PRKX: variants seen among roughly 807,000 people sequenced by gnomAD.
PRKX encodes the protein cAMP-dependent protein kinase catalytic subunit PRKX.
PRKX carries 12 observed loss-of-function variants against 22.0 expected under a neutral mutation model. That is an observed-to-expected ratio of 0.54 (90% CI 0.35 to 0.88). The LOEUF (loss-of-function observed/expected upper bound fraction) is 0.88, where lower values mean the gene tolerates loss of function less well. PRKX is among the 40% of genes least tolerant of loss of function. PRKX has a pLI of 0.01. For missense variants in PRKX, 217 were observed against 308.0 expected, an observed-to-expected ratio of 0.70 and a Z score of 2.21; for synonymous variants, 134 against 137.7, an observed-to-expected ratio of 0.97 and a Z score of 0.19.
At chrX:3,636,092 G>A (rs1159712473) in intron 4 of PRKX, among the ~76,000 whole-genome samples, 1 of 112,585 alleles carries the variant, frequency 8.9e-6, no homozygotes, top group Non-Finnish European at 1.9e-5. Context: ...ATCATGATAT[G>A]ATCTCCTTCC....
At chrX:3,613,651 C>A (rs1435209053) in intron 7 of PRKX, among the ~76,000 whole-genome samples, 1 of 107,791 alleles carries the variant, frequency 9.3e-6, no homozygotes, top group Non-Finnish European at 1.9e-5. Flanking sequence ...TCGAAACCAG[C>A]CTGGCCAACA....
At position 3,673,258 on chromosome X, in the gene PRKX, T is replaced by C. The variant is rs141292138; in HGVS notation, c.335+1340A>G. On this transcript the variant is annotated intron_variant, in intron 2 of 8. Transcript: ENST00000262848. ...AATGATGAGAGCAAAGAAGGAGGCC[T>C]GTCAAAGAAGGGTGGCCTGGGAGAA... Among the ~76,000 whole-genome samples, 105 of 111,134 alleles carry C rather than the reference T, an allele frequency of 9.4e-4. 1 individual carries two copies. The East Asian group carries it at 0.027, about 29-fold the overall frequency.
At chrX:3,669,278 A>G (rs951088691) in intron 2 of PRKX, among the ~76,000 whole-genome samples, 1 of 110,867 alleles carries the variant, frequency 9.0e-6, no homozygotes, top group Non-Finnish European at 1.9e-5. Flanking sequence ...ATCTACCTCA[A>G]TATCTGTCAT....
intron 4 of PRKX, among the ~76,000 whole-genome samples, chrX:3,640,553 G>A (rs748552644): frequency 1.8e-5 from 2 of 111,886 alleles, no homozygotes; most frequent in East Asian, 2.8e-4. Flanking sequence ...TCATGCTGAC[G>A]TCCCAACAAA....
At chrX:3,701,751 G>A (rs1928579681) in intron 1 of PRKX, among the ~76,000 whole-genome samples, 1 of 111,486 alleles carries the variant, frequency 9.0e-6, no homozygotes, top group Middle Eastern at 4.6e-3. Flanking sequence ...ACAGGTTGCG[G>A]TAAAGAAGCT....
chrX:3,615,169 C>A (rs1403898435), intron 7 of PRKX, among the ~76,000 whole-genome samples: 1 of 109,042 alleles, frequency 9.2e-6, no homozygotes. Context: ...CAAGCATATG[C>A]CACCACGCCT....
chrX:3,645,403 T>C (rs1927167083), intron 3 of PRKX, among the ~76,000 whole-genome samples: 1 of 111,909 alleles, frequency 8.9e-6, no homozygotes, highest in African/African-American at 3.3e-5. Context: ...CTGGTTGAAC[T>C]GTGCACCCCC....
At chrX:3,647,890 C>T (rs1321360824) in intron 3 of PRKX, among the ~76,000 whole-genome samples, 1 of 110,339 alleles carries the variant, frequency 9.1e-6, no homozygotes, top group African/African-American at 3.3e-5. Context: ...CCCTGCACCT[C>T]CCCGGCCCCT....
intron 7 of PRKX, among the ~76,000 whole-genome samples, chrX:3,613,134 G>A (rs573263348): frequency 1.5e-5 from 1 of 65,619 alleles, no homozygotes; most frequent in African/African-American, 5.2e-5. Flanking sequence ...CTGGGCAACG[G>A]AGCAAGACTT....
intron 3 of PRKX, among the ~76,000 whole-genome samples, chrX:3,650,611 G>A (rs1356341849): frequency 9.1e-6 from 1 of 109,941 alleles, no homozygotes. Context: ...GGGCACGGTG[G>A]CTCACGCCTG....
At chrX:3,630,224 G>T (rs1175877242) in intron 4 of PRKX, among the ~76,000 whole-genome samples, 1 of 112,335 alleles carries the variant, frequency 8.9e-6, no homozygotes, top group East Asian at 2.8e-4. Context: ...TCCATTTTCA[G>T]TCTGCTATAA....
At chrX:3,694,216 G>A (rs1456193012) in intron 1 of PRKX, among the ~76,000 whole-genome samples, 1 of 107,056 alleles carries the variant, frequency 9.3e-6, no homozygotes, top group Non-Finnish European at 1.9e-5. Flanking sequence ...GTGAAATCCC[G>A]TCTCCACTAA....
chrX:3,662,694 C>CAAAA (rs55726241), intron 2 of PRKX, among the ~76,000 whole-genome samples: 1 of 44,217 alleles, frequency 2.3e-5, no homozygotes, highest in Non-Finnish European at 3.8e-5. Flanking sequence ...GACTCCATCT[C>CAAAA]AAAAAAAAAA....
intron 1 of PRKX, among the ~76,000 whole-genome samples, chrX:3,679,622 ATATTCT>A (rs11278946): frequency 0.3 from 33,098 of 110,825 alleles, 4,157 homozygotes; most frequent in East Asian, 0.62. Context: ...CACTACAGAA[ATATTCT>A]TGTCTTGATA....
chrX:3,682,183 G>A (rs1318367144), intron 1 of PRKX, among the ~76,000 whole-genome samples: 2 of 110,403 alleles, frequency 1.8e-5, no homozygotes, highest in Non-Finnish European at 3.8e-5. Flanking sequence ...ATTCCCGGGA[G>A]TAGATTCACG....
At chrX:3,613,849 C>T (rs147292654) in intron 7 of PRKX, among the ~76,000 whole-genome samples, 5,369 of 35,856 alleles carry the variant, frequency 0.15, 287 homozygotes, top group Middle Eastern at 0.34. Context: ...AGTGAGACTC[C>T]ATCTCAAAAA....
At chrX:3,700,567 CTTCT>C (rs1928540464) in intron 1 of PRKX, among the ~76,000 whole-genome samples, 1 of 101,237 alleles carries the variant, frequency 9.9e-6, no homozygotes, top group Non-Finnish European at 2.0e-5. Context: ...TTTTTTCCTT[CTTCT>C]TTCTCTTTTT....
In PRKX at chrX:3,635,186, A is replaced by G. The variant is rs771691696; in HGVS notation, c.719+6666T>C. Among the ~76,000 whole-genome samples the G allele has an allele frequency of 6.2e-5, 7 of 112,031 alleles. No individual in the cohort carries two copies. The East Asian group carries it at 2.0e-3, about 31-fold the overall frequency. Reference sequence around the variant, plus strand: ...CGGACAGCTGTAACACACAGAAATGAAAGTTCTGTGGGTTGTTAATAACTT... The same window carrying G: ...CGGACAGCTGTAACACACAGAAATGGAAGTTCTGTGGGTTGTTAATAACTT... On this transcript the variant is annotated intron_variant, in intron 4 of 8. Coordinates refer to ENST00000262848, the MANE Select transcript of PRKX (RefSeq NM_005044.5).
At chrX:3,664,073 C>T (rs1339716884) in intron 2 of PRKX, among the ~76,000 whole-genome samples, 1 of 111,630 alleles carries the variant, frequency 9.0e-6, no homozygotes, top group African/African-American at 3.3e-5. Context: ...GGGTCACATG[C>T]ACCCTCCCAT....
Sources: gnomAD v4.1 joint callset for allele counts (sites outside exome capture counted in the v4.1 genomes callset) on GRCh38, gnomAD v4.1.1 for gene constraint, MANE v1.5 for transcripts, NCBI Gene and HGNC (gene_info 2026-07-23, HGNC 2026-07-21) for gene names.